The following PPP2R2B variants were observed in gnomAD, a reference collection of about 807,000 sequenced individuals.
PPP2R2B encodes the protein serine/threonine-protein phosphatase 2A 55 kDa regulatory subunit B beta isoform.
In PPP2R2B, 5 loss-of-function variants were observed where a neutral mutation model predicts 46.0. That is an observed-to-expected ratio of 0.11 (90% CI 0.06 to 0.23). The LOEUF (loss-of-function observed/expected upper bound fraction) is 0.23, where lower values mean the gene tolerates loss of function less well. Ranked by LOEUF, PPP2R2B falls within the 10% of genes least tolerant of loss-of-function variation. The pLI is 1.00. For synonymous variants in PPP2R2B, 215 were observed against 206.7 expected, an observed-to-expected ratio of 1.04 and a Z score of -0.34; for missense variants, 367 against 575.0, an observed-to-expected ratio of 0.64 and a Z score of 3.70.
intron 1 of PPP2R2B, among the ~76,000 whole-genome samples, chr5:146,949,204 G>A (rs1764579343): frequency 6.6e-6 from 1 of 151,960 alleles, no homozygotes; most frequent in Non-Finnish European, 1.5e-5. Flanking sequence ...TCAACAAAGT[G>A]AAGAGACAAC....
intron 1 of PPP2R2B, among the ~76,000 whole-genome samples, chr5:146,990,347 T>C (rs1484515412): frequency 1.3e-5 from 2 of 152,076 alleles, no homozygotes; most frequent in Non-Finnish European, 2.9e-5. Context: ...AAAGCTATAG[T>C]AACCAAAACA....
At chr5:146,742,073 C>T (rs912370081) in intron 2 of PPP2R2B, among the ~76,000 whole-genome samples, 10 of 152,080 alleles carry the variant, frequency 6.6e-5, no homozygotes, top group Non-Finnish European at 1.3e-4. Context: ...CAAACCTTCA[C>T]GTTCTTACAA....
At chr5:146,730,041 C>T (rs567836518) in intron 2 of PPP2R2B, among the ~76,000 whole-genome samples, 215 of 152,314 alleles carry the variant, frequency 1.4e-3, no homozygotes, top group Middle Eastern at 0.01. Context: ...ACACTCAATG[C>T]CAACCCATGA....
intron 2 of PPP2R2B, among the ~76,000 whole-genome samples, chr5:146,705,419 T>C (rs1195256433): frequency 6.6e-6 from 1 of 152,058 alleles, no homozygotes; most frequent in African/African-American, 2.4e-5. Context: ...TAGGCTGGGG[T>C]GCCATGATTA....
In PPP2R2B at chr5:146,748,861, A is replaced by G. The variant is rs146262099; in HGVS notation, c.71-47719T>C. Among the ~76,000 whole-genome samples the G allele has an allele frequency of 2.3e-4, 35 of 152,322 alleles. No individual in the cohort carries two copies. The East Asian group carries it at 5.6e-3, about 24-fold the overall frequency. On this transcript the variant is annotated intron_variant, in intron 2 of 9. Coordinates refer to ENST00000394411, the MANE Select transcript of PPP2R2B (RefSeq NM_181675.4). ...AAACATTGTGTACAGGTTTGTATAT[A>G]GGTTTTTGTGTGCACATACATTTTT...
At chr5:146,735,677 G>A (rs1479037339) in intron 2 of PPP2R2B, among the ~76,000 whole-genome samples, 1 of 152,120 alleles carries the variant, frequency 6.6e-6, no homozygotes, top group Admixed American at 6.5e-5. Context: ...GTGGCCTGAG[G>A]GTAGAGTCAA....
upstream of PPP2R2B, among the ~76,000 whole-genome samples, chr5:146,880,069 A>G (rs558757837): frequency 6.6e-6 from 1 of 152,352 alleles, no homozygotes; most frequent in South Asian, 2.1e-4. Flanking sequence ...TTAGATTTCC[A>G]TGCAGTATGG....
chr5:146,707,396 G>A, intron 2 of PPP2R2B: 2 of 783,974 alleles, frequency 2.6e-6, no homozygotes, highest in East Asian at 4.9e-5. Flanking sequence ...AGGGGGTTCA[G>A]CAGGCTCTGG....
chr5:146,930,262 C>T (rs1292434790), intron 1 of PPP2R2B, among the ~76,000 whole-genome samples: 1 of 152,080 alleles, frequency 6.6e-6, no homozygotes, highest in Non-Finnish European at 1.5e-5. Flanking sequence ...GGGACAGCAG[C>T]ACAGGCAGAA....
At chr5:146,933,128 T>C (rs1478560537) in intron 1 of PPP2R2B, among the ~76,000 whole-genome samples, 2 of 152,338 alleles carry the variant, frequency 1.3e-5, no homozygotes, top group East Asian at 3.9e-4. Flanking sequence ...TTCTTATATA[T>C]ATTTTTAATA....
intron 1 of PPP2R2B, among the ~76,000 whole-genome samples, chr5:146,921,837 T>A (rs1763619093): frequency 1.3e-5 from 2 of 152,216 alleles, no homozygotes; most frequent in Admixed American, 6.5e-5. Flanking sequence ...TAACAACAAG[T>A]ACTACTACTA....
At chr5:146,812,062 G>A (rs1485139987) in intron 2 of PPP2R2B, among the ~76,000 whole-genome samples, 1 of 151,990 alleles carries the variant, frequency 6.6e-6, no homozygotes, top group African/African-American at 2.4e-5. Flanking sequence ...ATGCTACAGG[G>A]AACTGGGCCC....
chr5:147,039,310 C>T (rs1349538506), intron 1 of PPP2R2B, among the ~76,000 whole-genome samples: 6 of 152,316 alleles, frequency 3.9e-5, no homozygotes, highest in African/African-American at 1.4e-4. Flanking sequence ...TTTTCCCCTA[C>T]TAATATGCAA....
chr5:146,991,061 TA>T (rs113001941), intron 1 of PPP2R2B, among the ~76,000 whole-genome samples: 2 of 151,650 alleles, frequency 1.3e-5, no homozygotes, highest in Admixed American at 6.6e-5. Flanking sequence ...ATTAAAAAGA[TA>T]AAAAAAACAC....
chr5:147,019,183 T>G (rs1433387215), intron 1 of PPP2R2B, among the ~76,000 whole-genome samples: 1 of 152,196 alleles, frequency 6.6e-6, no homozygotes, highest in Non-Finnish European at 1.5e-5. Context: ...TTTCTTAAAC[T>G]GTGCACTGTT....
In PPP2R2B at chr5:146,861,047, ATTTTTTC is replaced by A. The variant is rs1382698094; in HGVS notation, c.70+16948_70+16954del. Among the ~76,000 whole-genome samples the A allele has an allele frequency of 3.2e-3, 418 of 132,188 alleles. 3 individuals are homozygous for A. Among genetic ancestry groups the A allele is most frequent in the African/African-American group, 0.012 (390 of 33,666 alleles). The allele number at this position is 132,188 out of a possible 152,430, so 86.7% of individuals were successfully genotyped here. ...ACTCCTCTTCCAGCATTCAAACTGA[ATTTTTTC>A]TTTTTTTTTTTTTTTTTTTTGAGAC... On this transcript the variant is annotated intron_variant, in intron 2 of 9. Coordinates refer to ENST00000394411, the MANE Select transcript of PPP2R2B (RefSeq NM_181675.4).
chr5:147,020,885 G>T (rs1755228930), intron 1 of PPP2R2B, among the ~76,000 whole-genome samples: 1 of 152,140 alleles, frequency 6.6e-6, no homozygotes, highest in Non-Finnish European at 1.5e-5. Context: ...GCTTAGGAAA[G>T]TATTTTAGTT....
At chr5:147,042,151 T>G (rs543495266) in intron 1 of PPP2R2B, among the ~76,000 whole-genome samples, 202 of 152,252 alleles carry the variant, frequency 1.3e-3, no homozygotes, top group African/African-American at 4.8e-3. Flanking sequence ...CCTGGAACTG[T>G]TTACTTTCCT....
chr5:146,861,856 G>GT (rs71581881), intron 2 of PPP2R2B, among the ~76,000 whole-genome samples: 1,187 of 36,640 alleles, frequency 0.032, 7 homozygotes, highest in African/African-American at 0.1. Context: ...ATACAGCATT[G>GT]TTTTTTTTTT....
Sources: gnomAD v4.1 joint callset for allele counts (sites outside exome capture counted in the v4.1 genomes callset) on GRCh38, gnomAD v4.1.1 for gene constraint, MANE v1.5 for transcripts, NCBI Gene and HGNC (gene_info 2026-07-23, HGNC 2026-07-21) for gene names.